The following WWTR1 variants were observed in gnomAD, a reference collection of about 807,000 sequenced individuals.
WWTR1 encodes the protein WW domain-containing transcription regulator protein 1.
In WWTR1, 13 loss-of-function variants were observed where a neutral mutation model predicts 40.1. The ratio of observed to expected loss-of-function variants is 0.32; its 90% confidence interval spans 0.21 to 0.52. The LOEUF (loss-of-function observed/expected upper bound fraction) is 0.52. WWTR1 is among the 20% of genes least tolerant of loss of function. The pLI is 0.97. For synonymous variants in WWTR1, 230 were observed against 210.1 expected (o/e 1.09, Z -0.82); for missense variants, 436 against 523.1 (o/e 0.83, Z 1.63).
chr3:149,718,458 A>C (rs901796352), intron 4 of WWTR1, among the ~76,000 whole-genome samples: 3 of 152,182 alleles, frequency 2.0e-5, no homozygotes, highest in African/African-American at 7.2e-5. Context: ...TTTTTTACCC[A>C]AAGTTTATTA....
intron 2 of WWTR1, among the ~76,000 whole-genome samples, chr3:149,648,790 C>T (rs956730711): frequency 6.6e-6 from 1 of 152,114 alleles, no homozygotes; most frequent in Admixed American, 6.5e-5. Context: ...AGGCTTCCGG[C>T]AAACCAAGGT....
At chr3:149,661,710 C>T (rs979672980), upstream of WWTR1, among the ~76,000 whole-genome samples, 55 of 151,630 alleles carry the variant, frequency 3.6e-4, no homozygotes, top group Non-Finnish European at 7.2e-4. Flanking sequence ...AGGCTTGAGC[C>T]ACCATGCCCG....
chr3:149,626,721 C>T (rs1260598326), intron 2 of WWTR1, among the ~76,000 whole-genome samples: 1 of 152,048 alleles, frequency 6.6e-6, no homozygotes, highest in Non-Finnish European at 1.5e-5. Flanking sequence ...TGGAAAACCA[C>T]CCATATTGAA....
intron 3 of WWTR1, among the ~76,000 whole-genome samples, chr3:149,563,869 A>G (rs527271304): frequency 3.3e-5 from 5 of 152,192 alleles, no homozygotes; most frequent in Admixed American, 6.5e-5. Context: ...CTCCTTCCTG[A>G]GCCTCCCAAG....
intron 2 of WWTR1, among the ~76,000 whole-genome samples, chr3:149,584,491 C>A (rs917353963): frequency 2.0e-5 from 3 of 152,136 alleles, no homozygotes; most frequent in Non-Finnish European, 4.4e-5. Flanking sequence ...TCAAGAGAGA[C>A]TAGAGGTGCT....
chr3:149,667,897 G>T (rs544636735), intron 2 of WWTR1, among the ~76,000 whole-genome samples: 2 of 152,320 alleles, frequency 1.3e-5, no homozygotes, highest in Admixed American at 1.3e-4. Context: ...TTTGAAAAGA[G>T]AATTAAAACA....
chr3:149,643,035 A>G (rs1460195157), intron 2 of WWTR1, among the ~76,000 whole-genome samples: 1 of 152,204 alleles, frequency 6.6e-6, no homozygotes, highest in Non-Finnish European at 1.5e-5. Flanking sequence ...AAATTAGCAA[A>G]ATACAGAATA....
chr3:149,642,446 C>T (rs769206956), intron 2 of WWTR1, among the ~76,000 whole-genome samples: 5 of 150,644 alleles, frequency 3.3e-5, no homozygotes, highest in Non-Finnish European at 5.9e-5. Context: ...CACGAAAGTA[C>T]GAATACCCAA....
chr3:149,643,483 T>C (rs890190919), intron 2 of WWTR1, among the ~76,000 whole-genome samples: 2 of 152,212 alleles, frequency 1.3e-5, no homozygotes, highest in Non-Finnish European at 2.9e-5. Flanking sequence ...ACCCGAGTCT[T>C]ATAACTTAGC....
chr3:149,684,988 A>T (rs1714594816), intron 1 of WWTR1, among the ~76,000 whole-genome samples: 1 of 152,108 alleles, frequency 6.6e-6, no homozygotes, highest in South Asian at 2.1e-4. Context: ...AATATATTCA[A>T]ATTTTAATTT....
chr3:149,602,509 T>A (rs142287353), intron 2 of WWTR1, among the ~76,000 whole-genome samples: 1 of 152,220 alleles, frequency 6.6e-6, no homozygotes, highest in South Asian at 2.1e-4. Flanking sequence ...TCTCACAGAC[T>A]GAAAGGTAGA....
chr3:149,558,156 G>A (rs981427664), intron 3 of WWTR1, among the ~76,000 whole-genome samples: 1 of 152,048 alleles, frequency 6.6e-6, no homozygotes, highest in African/African-American at 2.4e-5. Context: ...TGGGCCCCAA[G>A]CAGTACACCT....
At chr3:149,709,583 G>A (rs1559847298) in intron 5 of WWTR1, among the ~76,000 whole-genome samples, 5 of 151,822 alleles carry the variant, frequency 3.3e-5, no homozygotes. Flanking sequence ...TGTTTTTTTG[G>A]AAGGATACAC....
chr3:149,606,878 A>G (rs942481207), intron 2 of WWTR1, among the ~76,000 whole-genome samples: 2 of 152,242 alleles, frequency 1.3e-5, no homozygotes, highest in Non-Finnish European at 2.9e-5. Context: ...TGTGTGTGAA[A>G]GACCTGAAGT....
At chr3:149,671,709 AAC>A (rs770698487) in intron 1 of WWTR1, among the ~76,000 whole-genome samples, 2 of 152,246 alleles carry the variant, frequency 1.3e-5, no homozygotes, top group Non-Finnish European at 2.9e-5. Flanking sequence ...GCTCTTTTTT[AAC>A]AGTCAGATGT....
intron 2 of WWTR1, among the ~76,000 whole-genome samples, chr3:149,620,269 C>T (rs933821191): frequency 3.9e-5 from 6 of 152,126 alleles, no homozygotes; most frequent in East Asian, 1.9e-4. Flanking sequence ...TAAAGGGAAG[C>T]GTGGCACACA....
Position 149,542,387 on chromosome 3 carries a change from A to C in WWTR1, c.719T>G (p.Ile240Ser), listed in dbSNP as rs1560051874. ...TCGAATCCTTTCTCTCTCCATCTGGATTCTCTGAAGCCGCAGTTTCTGCTG... is the reference window on the plus strand; with the variant it reads ...TCGAATCCTTTCTCTCTCCATCTGGCTTCTCTGAAGCCGCAGTTTCTGCTG... ...QQQQKLRLQR[I>S]QMERERIRMR... The change falls in exon 4 of 7, where the codon ATC becomes AGC. Residue 240 changes from isoleucine (I) to serine (S), a missense_variant. Ile to Ser is a moderately radical substitution (Grantham distance 142). Transcript: ENST00000360632. The C allele has an allele frequency of 1.2e-6, 2 of 1,613,910 alleles. No homozygotes were observed.
intron 2 of WWTR1, among the ~76,000 whole-genome samples, chr3:149,641,448 C>A (rs1026924656): frequency 5.3e-5 from 8 of 152,212 alleles, no homozygotes; most frequent in Non-Finnish European, 1.2e-4. Context: ...TATTCACACA[C>A]ATGAGGTAAG....
intron 5 of WWTR1, among the ~76,000 whole-genome samples, chr3:149,714,513 C>T (rs975304524): frequency 1.3e-5 from 2 of 152,238 alleles, no homozygotes; most frequent in Non-Finnish European, 2.9e-5. Context: ...CAGGGCACCG[C>T]TGAGACACCC....
Sources: allele counts gnomAD v4.1 joint callset (sites outside exome capture counted in the v4.1 genomes callset), GRCh38; gene constraint gnomAD v4.1.1; transcripts MANE v1.5; gene names NCBI Gene and HGNC (gene_info 2026-07-23, HGNC 2026-07-21).